The following DDHD2 variants were observed in gnomAD, a reference collection of about 807,000 sequenced individuals.
The protein encoded by DDHD2 is DDHD domain containing 2, also known as triacylglycerol hydrolase DDHD2.
A neutral mutation model predicts 91.2 loss-of-function variants in DDHD2; 62 were observed. The ratio of observed to expected loss-of-function variants is 0.68; its 90% CI spans 0.55 to 0.84. The LOEUF is 0.84. DDHD2 is among the 40% of genes least tolerant of loss of function. The pLI, the probability that DDHD2 is intolerant of heterozygous loss-of-function variation, is 0.00. For missense variants in DDHD2, 740 were observed against 846.9 expected, an observed-to-expected ratio of 0.87 and a Z score of 1.57; for synonymous variants, 271 against 293.9, an observed-to-expected ratio of 0.92 and a Z score of 0.80.
chr8:38,270,627 T>C (rs1808426107), intron 1 of DDHD2: 1 of 152,262 alleles, frequency 6.6e-6, no homozygotes, highest in Admixed American at 6.5e-5. Context: ...ATAGGTCATC[T>C]GACAGATACT....
At chr8:38,256,602 C>G (rs183630729) in intron 16 of DDHD2, among the ~76,000 whole-genome samples, 1 of 152,290 alleles carries the variant, frequency 6.6e-6, no homozygotes, top group East Asian at 1.9e-4. Context: ...GTATTATAGA[C>G]ATGATCAATG....
intron 8 of DDHD2, 118 bp from the exon 9 acceptor site, chr8:38,246,115 A>G: frequency 9.1e-7 from 1 of 1,096,726 alleles, no homozygotes; most frequent in Middle Eastern, 2.8e-4. Flanking sequence ...TTGGAAAGAA[A>G]GACTCCTTGC....
rs1238057600 is a variant in DDHD2, at chr8:38,245,852, T to C, written c.959T>C (p.Val320Ala). 8.1e-6 allele frequency: 13 copies of C among 1,614,240 alleles called. 1 individual carries two copies. Among genetic ancestry groups the C allele is most frequent in the East Asian group, 4.5e-5 (2 of 44,886 alleles). Residue 320 changes from valine to alanine, a missense_variant, in exon 8 of 18, where the codon GTG becomes GCG. By Grantham distance (64) the Val-to-Ala change is moderately conservative. Around this residue, in one of 2 missense-constraint regions of DDHD2, gnomAD observed 693 missense variants for 764.2 expected, o/e 0.91. Transcript: ENST00000397166. ...AGTCCCACCTACTGTCAGACTATTG[T>C]GGACACAGTTGCTTCTGAAATGAAC... The part of the protein sequence containing the change: ...YNSPTYCQTI[V>A]DTVASEMNRI...
At chr8:38,266,327 CT>C, downstream of DDHD2, 7 of 1,605,086 alleles carry the variant, frequency 4.4e-6, no homozygotes, top group Non-Finnish European at 6.0e-6. Flanking sequence ...ACAAGAAAAA[CT>C]TTTAAGTGGT....
At chr8:38,272,113 C>T (rs1423301062), downstream of DDHD2, 5 of 152,230 alleles carry the variant, frequency 3.3e-5, no homozygotes, top group Non-Finnish European at 7.3e-5. Context: ...TGATTAGATA[C>T]TCAATATCTC....
chr8:38,243,029 C>A (rs1238467282), intron 7 of DDHD2, among the ~76,000 whole-genome samples: 2 of 152,150 alleles, frequency 1.3e-5, no homozygotes, highest in East Asian at 3.8e-4. Flanking sequence ...TGTTTCCATG[C>A]TGGTCTCAGA....
At chr8:38,241,813 G>C (rs1011892126) in intron 6 of DDHD2, among the ~76,000 whole-genome samples, 1 of 151,372 alleles carries the variant, frequency 6.6e-6, no homozygotes, top group Admixed American at 6.6e-5. Context: ...CAGCACTTTG[G>C]GGGGCCAAGG....
At chr8:38,260,298 ATTCATGGGG>A in intron 17 of DDHD2, 151 bp downstream of exon 17, 2 of 499,440 alleles carry the variant, frequency 4.0e-6, no homozygotes, top group Non-Finnish European at 7.1e-6. Context: ...ACTGGTAGAA[ATTCATGGGG>A]AAAAAAACAC....
chr8:38,248,524 T>G (rs1805834165), intron 10 of DDHD2, among the ~76,000 whole-genome samples: 1 of 152,084 alleles, frequency 6.6e-6, no homozygotes, highest in Non-Finnish European at 1.5e-5. Context: ...TGTTTATAGT[T>G]TACTGGGGAA....
Position 38,244,620 on chromosome 8 carries a change from C to T in DDHD2, c.849-1122C>T, listed in dbSNP as rs1048100678. 1.8e-4 allele frequency among the ~76,000 whole-genome samples: 28 copies of T among 151,406 alleles called. 1 individual carries two copies. The highest frequency in any genetic ancestry group is 4.6e-4 in the Admixed American group (7 of 15,162). ...TTGCACTGTTGCCTGGGCTGGAGTGCAATGGCACAATTTCGGCTCACTGCA... is the reference window on the plus strand; with the variant it reads ...TTGCACTGTTGCCTGGGCTGGAGTGTAATGGCACAATTTCGGCTCACTGCA... On this transcript the variant is annotated intron_variant, in intron 7 of 17. Transcript: ENST00000397166.
Position 38,252,003 on chromosome 8 carries a change from A to C in DDHD2, c.1436A>C (p.Asp479Ala). 3 of 1,614,102 alleles carry C rather than the reference A, an allele frequency of 1.9e-6. No individual in the cohort carries two copies. Among genetic ancestry groups the C allele is most frequent in the Non-Finnish European group, 2.5e-6 (3 of 1,179,922 alleles). The change falls in exon 12 of 18, where the codon GAC (aspartate) becomes GCC (alanine). Residue 479 changes from aspartate to alanine, a missense_variant. Around this residue, in one of 2 missense-constraint regions of DDHD2, gnomAD observed 693 missense variants for 764.2 expected, o/e 0.91. Transcript: ENST00000397166. Reference protein sequence around the residue: ...FCSSSNTRNGDYLDVGIGQVS... With the variant: ...FCSSSNTRNGAYLDVGIGQVS... ...AGTAGCAGTAATACTAGAAATGGTGACTATCTGGATGTTGGCATTGGGCAG... is the reference window on the plus strand; with the variant it reads ...AGTAGCAGTAATACTAGAAATGGTGCCTATCTGGATGTTGGCATTGGGCAG...
chr8:38,257,320 C>T (rs559689986), intron 16 of DDHD2, among the ~76,000 whole-genome samples: 3 of 134,620 alleles, frequency 2.2e-5, no homozygotes, highest in Non-Finnish European at 4.6e-5. Context: ...ACGATCTTGG[C>T]TCACTGCAAC....
chr8:38,233,173 A>G lies in DDHD2; in HGVS notation c.179A>G (p.Asn60Ser). 6.2e-7 allele frequency: 1 copy of G among 1,614,046 alleles called. No individual in the cohort carries two copies. The highest frequency in any genetic ancestry group is 8.5e-7 in the Non-Finnish European group (1 of 1,180,006). Residue 60 changes from asparagine (N) to serine (S), a missense_variant, in exon 2 of 18, where the codon AAC becomes AGC. This residue lies in a region of DDHD2 where 693 missense variants were observed against 764.2 expected (regional missense o/e 0.91). Transcript: ENST00000397166. ...IDSKETWIPF[N>S]SEDSQQLEEA... ...TCTAAGGAGACATGGATTCCTTTCA[A>G]CTCTGAGGATTCACAGCAGCTGGAA...
intron 6 of DDHD2, 91 bp downstream of exon 6, chr8:38,240,455 A>AT: frequency 1.0e-6 from 1 of 960,936 alleles, no homozygotes; most frequent in African/African-American, 1.6e-5. Flanking sequence ...TTAGCTGCAT[A>AT]AGAAGATTTG....
intron 3 of DDHD2, among the ~76,000 whole-genome samples, chr8:38,235,542 A>T (rs1415898562): frequency 3.3e-5 from 5 of 151,670 alleles, no homozygotes; most frequent in African/African-American, 1.2e-4. Context: ...ACCAACATGG[A>T]GAAACCTCGT....
At chr8:38,243,839 C>T (rs1184251078) in intron 7 of DDHD2, among the ~76,000 whole-genome samples, 2 of 145,820 alleles carry the variant, frequency 1.4e-5, no homozygotes. Context: ...TGGAGTTTTG[C>T]TCTTGTCCAG....
In DDHD2 at chr8:38,252,784, G is replaced by A; in HGVS notation, c.1680G>A (p.Met560Ile). 2 of 1,614,078 alleles carry A rather than the reference G, an allele frequency of 1.2e-6. No homozygotes were observed. The highest frequency in any genetic ancestry group is 1.7e-6 in the Non-Finnish European group (2 of 1,179,986). Residue 560 changes from methionine to isoleucine, a missense_variant, in exon 14 of 18, where the codon ATG (methionine) becomes ATA (isoleucine). By Grantham distance (10) the Met-to-Ile change is conservative. Transcript: ENST00000397166. ...MVVPGVEFEP[M>I]LIPHHKGRKR... is the part of the protein sequence containing the mutation. Reference sequence around the variant, plus strand: ...TCCCAGGAGTGGAATTTGAGCCAATGCTGATCCCACATCATAAAGGCAGGA... The same window carrying A: ...TCCCAGGAGTGGAATTTGAGCCAATACTGATCCCACATCATAAAGGCAGGA...
downstream of DDHD2, chr8:38,272,101 C>T (rs1255392404): frequency 6.6e-6 from 1 of 152,200 alleles, no homozygotes; most frequent in African/African-American, 2.4e-5. Flanking sequence ...GGGTCCTTTA[C>T]ATGATTAGAT....
chr8:38,264,268 C>T, downstream of DDHD2: 2 of 726,384 alleles, frequency 2.8e-6, no homozygotes, highest in South Asian at 6.5e-5. Flanking sequence ...CTACCTCAGC[C>T]TCCCAGGTAG....
Sources: allele counts gnomAD v4.1 joint callset (sites outside exome capture counted in the v4.1 genomes callset), GRCh38; gene constraint gnomAD v4.1.1; regional missense constraint gnomAD v4.1.1; transcripts MANE v1.5; gene names NCBI Gene and HGNC (gene_info 2026-07-23, HGNC 2026-07-21).